The following SFMBT2 variants were observed in gnomAD, a reference collection of about 807,000 sequenced individuals.
The protein encoded by SFMBT2 is Scm like with four mbt domains 2, also known as scm-like with four MBT domains protein 2.
A neutral mutation model predicts 110.1 loss-of-function variants in SFMBT2; 38 were observed. The observed-to-expected ratio is 0.35, with a 90% CI of 0.27 to 0.45. SFMBT2 has a LOEUF of 0.45. Among genes scored for constraint, SFMBT2 ranks in the 20% least tolerant of loss-of-function variants. SFMBT2 has a pLI of 1.00. For synonymous variants in SFMBT2, 425 were observed against 425.4 expected, an observed-to-expected ratio of 1.00 and a Z score of 0.01; for missense variants, 1,011 against 1,094.9, an observed-to-expected ratio of 0.92 and a Z score of 1.08.
At position 7,220,470 on chromosome 10, in the gene SFMBT2, TCTC is replaced by T. The variant is rs1564390675; in HGVS notation, c.1268_1270del (p.Gly423del). The stretch of plus-strand genomic sequence containing the variant: ...ACTCACAACGGAGGCCACACACAGT[TCTC>T]CTGGATTCCTGGGGTTCACAGCTTC... On this transcript the variant is annotated inframe_deletion, in exon 11 of 21. Transcript: ENST00000397167. The T allele has an allele frequency of 6.2e-7, 1 of 1,613,948 alleles. No homozygotes were observed. The highest frequency in any genetic ancestry group is 1.1e-5 in the South Asian group (1 of 91,070).
intron 4 of SFMBT2, among the ~76,000 whole-genome samples, chr10:7,325,302 G>A (rs1843347948): frequency 6.6e-6 from 1 of 152,080 alleles, no homozygotes; most frequent in African/African-American, 2.4e-5. Context: ...CCACACTGCG[G>A]GGGCTTCAAC....
At chr10:7,214,624 G>A (rs1054601928) in intron 11 of SFMBT2, 6 of 985,348 alleles carry the variant, frequency 6.1e-6, no homozygotes, top group South Asian at 4.7e-5. Flanking sequence ...AACTACACAC[G>A]TAGCGGACCT....
intron 20 of SFMBT2, among the ~76,000 whole-genome samples, chr10:7,166,588 C>G (rs1837700838): frequency 6.6e-6 from 1 of 152,118 alleles, no homozygotes; most frequent in South Asian, 2.1e-4. Flanking sequence ...CTCTGGACAT[C>G]CCATGAATCT....
intron 4 of SFMBT2, among the ~76,000 whole-genome samples, chr10:7,327,680 CAAA>C (rs780856995): frequency 5.0e-5 from 5 of 99,050 alleles, no homozygotes; most frequent in Admixed American, 1.1e-4. Flanking sequence ...GACTCTAACT[CAAA>C]AAAAAAAAAA....
In SFMBT2 at chr10:7,164,486, T is replaced by C. The variant is rs61836736; in HGVS notation, c.2545-576A>G. On this transcript the variant is annotated intron_variant, in intron 20 of 20. Coordinates refer to ENST00000397167, the MANE Select transcript of SFMBT2 (RefSeq NM_001387889.1). ...ACCTACCCTGGTGGGTAGAAAGAGC[T>C]GGAACAGGTGGGTTGCTGCGGGAAT... is the stretch of plus-strand genomic sequence containing the variant. The C allele has an allele frequency of 5.3e-3, 5,216 of 977,286 alleles. 10 individuals carry two copies. The highest frequency in any genetic ancestry group is 5.6e-3 in the Non-Finnish European group (4,586 of 822,386). The allele number at this position is 977,286 out of a possible 1,614,324, so 60.5% of individuals were successfully genotyped here. A position where few individuals can be genotyped will look rare whatever the true frequency, so the allele number is the denominator to read the frequency against.
rs57822891 is a variant in SFMBT2 at position 7,230,017 on chromosome 10, C to CTATATA, written c.1121-2086_1121-2081dup. On this transcript the variant is annotated intron_variant, in intron 9 of 20. Transcript: ENST00000397167. ...CAGACATGAGCCACCCCGCCCAGCC[C>CTATATA]TATATATATATATATATATTTAAGA... 8.7e-5 allele frequency among the ~76,000 whole-genome samples: 13 copies of CTATATA among 148,642 alleles called. No individual in the cohort carries two copies. The East Asian group carries it at 2.0e-3, about 23-fold the overall frequency.
intron 9 of SFMBT2, among the ~76,000 whole-genome samples, chr10:7,233,057 T>C (rs899290332): frequency 6.6e-6 from 1 of 152,106 alleles, no homozygotes; most frequent in Non-Finnish European, 1.5e-5. Context: ...AAAAGAGACA[T>C]GCAGGAATAA....
intron 4 of SFMBT2, among the ~76,000 whole-genome samples, chr10:7,332,025 AAAAAAAAAAAAAG>A (rs1305280719): frequency 7.3e-6 from 1 of 136,828 alleles, no homozygotes; most frequent in African/African-American, 2.8e-5. Flanking sequence ...CAAAAAAAAA[AAAAAAAAAAAAAG>A]GAAAGGTGAA....
chr10:7,312,324 C>G (rs1332869183), intron 4 of SFMBT2, among the ~76,000 whole-genome samples: 1 of 152,142 alleles, frequency 6.6e-6, no homozygotes, highest in East Asian at 1.9e-4. Flanking sequence ...GAGCCGAGGC[C>G]ACCACCCAAC....
chr10:7,205,613 C>A, intron 12 of SFMBT2: 1 of 985,396 alleles, frequency 1.0e-6, no homozygotes, highest in Non-Finnish European at 1.2e-6. Context: ...CTGTCCCTCA[C>A]TGTTAAAGTT....
intron 1 of SFMBT2, among the ~76,000 whole-genome samples, chr10:7,397,571 C>A (rs1336486607): frequency 6.6e-6 from 1 of 152,026 alleles, no homozygotes; most frequent in Non-Finnish European, 1.5e-5. Context: ...TATGCTGAGA[C>A]CTTTCAAAAT....
At chr10:7,229,606 AAAAG>A (rs1469954181) in intron 9 of SFMBT2, among the ~76,000 whole-genome samples, 9 of 151,304 alleles carry the variant, frequency 5.9e-5, no homozygotes, top group African/African-American at 2.2e-4. Context: ...AAAAAAAAAA[AAAAG>A]AAAGAAAGAA....
intron 7 of SFMBT2, among the ~76,000 whole-genome samples, chr10:7,270,940 A>G (rs1407040544): frequency 6.6e-6 from 1 of 152,198 alleles, no homozygotes; most frequent in African/African-American, 2.4e-5. Context: ...CTTAGTATTC[A>G]TACCTCTAAA....
intron 7 of SFMBT2, among the ~76,000 whole-genome samples, chr10:7,271,291 CAA>C (rs56364927): frequency 4.1e-5 from 4 of 97,542 alleles, no homozygotes; most frequent in African/African-American, 1.2e-4. Context: ...AGATTGCCTC[CAA>C]AAAAAAAAAA....
chr10:7,318,992 A>G (rs1843095160), intron 4 of SFMBT2, among the ~76,000 whole-genome samples: 1 of 152,206 alleles, frequency 6.6e-6, no homozygotes, highest in African/African-American at 2.4e-5. Context: ...GGCATCTCTG[A>G]CAAAAGGGAA....
At chr10:7,391,620 A>T (rs1360775458) in intron 1 of SFMBT2, among the ~76,000 whole-genome samples, 1 of 152,224 alleles carries the variant, frequency 6.6e-6, no homozygotes, top group East Asian at 1.9e-4. Context: ...TTTTTCAACA[A>T]CATTTAGTTT....
intron 4 of SFMBT2, among the ~76,000 whole-genome samples, chr10:7,352,082 G>C (rs1456799489): frequency 6.6e-6 from 1 of 152,062 alleles, no homozygotes; most frequent in East Asian, 1.9e-4. Context: ...TGAGGCCCTA[G>C]CTCAGGCCAG....
chr10:7,318,835 T>C (rs532409416), intron 4 of SFMBT2, among the ~76,000 whole-genome samples: 1 of 152,344 alleles, frequency 6.6e-6, no homozygotes, highest in African/African-American at 2.4e-5. Context: ...ATTTTATTTG[T>C]ACACAATTCC....
intron 11 of SFMBT2, chr10:7,215,819 A>G (rs191045793): frequency 1.3e-4 from 98 of 764,592 alleles, no homozygotes; most frequent in Admixed American, 2.5e-4. Flanking sequence ...CTCCCCGTGC[A>G]TCGAACACAG....
Sources: allele counts gnomAD v4.1 joint callset (sites outside exome capture counted in the v4.1 genomes callset), GRCh38; gene constraint gnomAD v4.1.1; transcripts MANE v1.5; gene names NCBI Gene and HGNC (gene_info 2026-07-23, HGNC 2026-07-21).